Variants in NUAK1 observed in about 807,000 individuals in gnomAD.
NUAK1 encodes the protein NUAK family kinase 1, also known as NUAK family SNF1-like kinase 1.
In NUAK1, 26 loss-of-function variants were observed where a neutral mutation model predicts 56.9. The ratio of observed to expected loss-of-function variants is 0.46; its 90% CI spans 0.33 to 0.63. NUAK1 has a LOEUF of 0.63. Ranked by LOEUF, NUAK1 falls within the 30% of genes least tolerant of loss-of-function variation. The probability of loss-of-function intolerance (pLI) is 0.02; values close to 1 mark genes in which losing one functional copy is unlikely to be tolerated. For missense variants in NUAK1, 727 were observed against 876.1 expected (o/e 0.83, Z 2.15); for synonymous variants, 337 against 336.0 (o/e 1.00, Z -0.03).
chr12:106,110,947 C>T (rs768514947), intron 1 of NUAK1, among the ~76,000 whole-genome samples: 4 of 152,116 alleles, frequency 2.6e-5, no homozygotes, highest in Non-Finnish European at 4.4e-5. Context: ...CACCAAAAAC[C>T]ACCTGCTCTG....
At chr12:106,128,792 C>T (rs374620756) in intron 1 of NUAK1, among the ~76,000 whole-genome samples, 1 of 152,206 alleles carries the variant, frequency 6.6e-6, no homozygotes, top group Non-Finnish European at 1.5e-5. Flanking sequence ...ACAGCCTCCA[C>T]TTAGCGCCTT....
At chr12:106,123,670 C>A (rs1348741776) in intron 1 of NUAK1, among the ~76,000 whole-genome samples, 2 of 152,146 alleles carry the variant, frequency 1.3e-5, no homozygotes, top group African/African-American at 4.8e-5. Context: ...AGGTACGAGG[C>A]ATTGTGCTTG....
intron 1 of NUAK1, among the ~76,000 whole-genome samples, chr12:106,117,440 TC>T (rs1201537023): frequency 6.6e-6 from 1 of 152,196 alleles, no homozygotes; most frequent in Non-Finnish European, 1.5e-5. Flanking sequence ...CTATTCATTT[TC>T]CCATTTCCAA....
At position 106,065,372 on chromosome 12, in the gene NUAK1, A is replaced by G. The variant is rs759884751; in HGVS notation, c.*1430T>C. ...GCACCTCTTTTCTGTCTCCCCCAGA[A>G]CCATCTGGGTAACATCTAAGGAAAT... is the stretch of plus-strand genomic sequence containing the variant. On this transcript the variant is annotated 3_prime_UTR_variant, in exon 7 of 7. Coordinates refer to ENST00000261402, the MANE Select transcript of NUAK1 (RefSeq NM_014840.3). The G allele has an allele frequency of 2.0e-5, 3 of 152,110 alleles. No individual in the cohort carries two copies. The highest frequency in any genetic ancestry group is 4.4e-5 in the Non-Finnish European group (3 of 68,026). 9.4% of individuals were successfully genotyped at this position (152,110 alleles called of 1,614,324 possible).
chr12:106,064,604 G>C lies in NUAK1; in HGVS notation c.*2198C>G, dbSNP rs2032313770. 1 of 152,160 alleles carries C rather than the reference G, an allele frequency of 6.6e-6. No individual in the cohort carries two copies. The highest frequency in any genetic ancestry group is 6.5e-5 in the Admixed American group (1 of 15,280). 9.4% of individuals were successfully genotyped at this position (152,160 alleles called of 1,614,324 possible). On this transcript the variant is annotated 3_prime_UTR_variant, in exon 7 of 7. Transcript: ENST00000261402. ...AAACAGACTCAATCACTTGGCAAAA[G>C]GAAAAAACACATCAACCAGTAGGTA...
rs938846208 is a variant in NUAK1, at chr12:106,067,181, A to G, written c.1607T>C (p.Met536Thr). Residue 536 changes from methionine (M) to threonine (T), a missense_variant, in exon 7 of 7, where the codon ATG becomes ACG. By Grantham distance (81) the Met-to-Thr change is moderately conservative. Transcript: ENST00000261402. The surrounding 1 kb of genome is among the most constrained non-coding windows in gnomAD (Gnocchi z 6.0). ...TTCAGGGCTGACCAGGGCTGGGTCCATGGTGCCCGCTGAGTATTTGCTGCT... is the reference window on the plus strand; with the variant it reads ...TTCAGGGCTGACCAGGGCTGGGTCCGTGGTGCCCGCTGAGTATTTGCTGCT... ...KHSSKYSAGT[M>T]DPALVSPEMP... 6.2e-7 allele frequency: 1 copy of G among 1,614,050 alleles called. No individual in the cohort carries two copies. Among genetic ancestry groups the G allele is most frequent in the Non-Finnish European group, 8.5e-7 (1 of 1,179,984 alleles).
intron 3 of NUAK1, among the ~76,000 whole-genome samples, chr12:106,085,973 C>T (rs1042295911): frequency 6.6e-6 from 1 of 152,172 alleles, no homozygotes; most frequent in African/African-American, 2.4e-5. Context: ...TCCCAACTAG[C>T]TTGGATTATA....
At chr12:106,084,890 C>T (rs906717387) in intron 3 of NUAK1, among the ~76,000 whole-genome samples, 1 of 152,228 alleles carries the variant, frequency 6.6e-6, no homozygotes, top group African/African-American at 2.4e-5. Flanking sequence ...GCAATCGAAG[C>T]TGCTCTTTTG....
intron 1 of NUAK1, among the ~76,000 whole-genome samples, chr12:106,120,421 TATA>T (rs1313327018): frequency 6.6e-6 from 1 of 152,076 alleles, no homozygotes; most frequent in African/African-American, 2.4e-5. Flanking sequence ...TTTTTATTAT[TATA>T]ATAATAACGA....
At position 106,086,800 on chromosome 12, in the gene NUAK1, G is replaced by T; in HGVS notation, c.447C>A (p.Arg149=). 6.2e-7 allele frequency: 1 copy of T among 1,614,132 alleles called. No individual in the cohort carries two copies. Among genetic ancestry groups the T allele is most frequent in the South Asian group, 1.1e-5 (1 of 91,080 alleles). The change falls in exon 3 of 7, where the codon CGC becomes CGA. Residue 149 remains arginine (R), a synonymous_variant. Coordinates refer to ENST00000261402, the MANE Select transcript of NUAK1 (RefSeq NM_014840.3). ...ELYDYISERR[R]LSERETRHFF... is the part of the protein sequence containing the mutation. ...AGTGCCGGGTCTCCCTCTCACTGAG[G>T]CGTCGCCGCTCACTGATGTAATCGT...
intron 2 of NUAK1, among the ~76,000 whole-genome samples, chr12:106,090,614 C>T (rs1050566591): frequency 6.6e-6 from 1 of 152,130 alleles, no homozygotes; most frequent in Non-Finnish European, 1.5e-5. Flanking sequence ...ACTGCTACCC[C>T]CAAGCTCTCA....
chr12:106,076,258 T>C (rs2032464056), intron 4 of NUAK1, among the ~76,000 whole-genome samples: 1 of 152,242 alleles, frequency 6.6e-6, no homozygotes, highest in Non-Finnish European at 1.5e-5. Flanking sequence ...TAAGAAGTTT[T>C]GCTAAAGGTT....
intron 2 of NUAK1, among the ~76,000 whole-genome samples, chr12:106,088,404 T>C (rs752811957): frequency 6.6e-6 from 1 of 152,198 alleles, no homozygotes; most frequent in Admixed American, 6.5e-5. Flanking sequence ...TGTGCTCATA[T>C]GTGGTTTCCA....
intron 6 of NUAK1, among the ~76,000 whole-genome samples, chr12:106,069,698 G>T (rs2032383583): frequency 6.6e-6 from 1 of 152,096 alleles, no homozygotes; most frequent in Non-Finnish European, 1.5e-5. Flanking sequence ...TAAGAGCAAT[G>T]GTTCAATATT....
At chr12:106,070,248 G>GA (rs762645489) in intron 6 of NUAK1, among the ~76,000 whole-genome samples, 25 of 152,154 alleles carry the variant, frequency 1.6e-4, no homozygotes, top group Admixed American at 6.5e-5. Flanking sequence ...CCACAGGGGT[G>GA]AAAGAGATGA....
chr12:106,073,733 A>G (rs1164120716), intron 4 of NUAK1, among the ~76,000 whole-genome samples: 2 of 151,974 alleles, frequency 1.3e-5, no homozygotes, highest in African/African-American at 4.8e-5. Flanking sequence ...CATGAGAATC[A>G]CTTAAACCTG....
chr12:106,096,082 G>T (rs1290949106), intron 2 of NUAK1, among the ~76,000 whole-genome samples: 1 of 152,190 alleles, frequency 6.6e-6, no homozygotes, highest in East Asian at 1.9e-4. Context: ...AATGCATGCT[G>T]GTGACTGCCT....
In NUAK1 at chr12:106,070,645, T is replaced by C. The variant is rs1029315511; in HGVS notation, c.832+129A>G. On this transcript the variant is annotated intron_variant, in intron 6 of 6. Transcript: ENST00000261402. The stretch of plus-strand genomic sequence containing the variant: ...AGCCAGTTTTGCCAAGGATGACACT[T>C]CTGGGAAGAAGAAAGAGGAAAACCA... 1.2e-5 allele frequency: 15 copies of C among 1,262,184 alleles called. No individual in the cohort carries two copies. The Admixed American group carries it at 3.1e-4, about 26-fold the overall frequency. 78.2% of individuals were successfully genotyped at this position (1,262,184 alleles called of 1,614,324 possible).
chr12:106,114,259 A>G (rs999817601), intron 1 of NUAK1, among the ~76,000 whole-genome samples: 2 of 152,054 alleles, frequency 1.3e-5, no homozygotes, highest in Admixed American at 6.6e-5. Flanking sequence ...CAACCTCCAA[A>G]CCCAGAAGAA....
Sources: allele counts gnomAD v4.1 joint callset (sites outside exome capture counted in the v4.1 genomes callset), GRCh38; gene constraint gnomAD v4.1.1; non-coding constraint Gnocchi (gnomAD v3.1); transcripts MANE v1.5; gene names NCBI Gene and HGNC (gene_info 2026-07-23, HGNC 2026-07-21).